Variants in TESPA1 observed in about 807,000 individuals in gnomAD.
The protein encoded by TESPA1 is thymocyte expressed, positive selection associated 1, also known as protein TESPA1.
Under a neutral mutation model 57.9 loss-of-function variants are expected in TESPA1, and 33 were observed. The observed-to-expected ratio is 0.57, with a 90% confidence interval of 0.43 to 0.76. The LOEUF (loss-of-function observed/expected upper bound fraction) is 0.76, where lower values mean the gene tolerates loss of function less well. Among genes scored for constraint, TESPA1 ranks in the 30% least tolerant of loss-of-function variants. The probability of loss-of-function intolerance (pLI) is 0.00; values close to 1 mark genes in which losing one functional copy is unlikely to be tolerated. For missense variants in TESPA1, 618 were observed against 632.9 expected (o/e 0.98, Z 0.25); for synonymous variants, 227 against 228.9 (o/e 0.99, Z 0.07).
At position 54,963,958 on chromosome 12, in the gene TESPA1, G is replaced by A. The variant is rs1951250118; in HGVS notation, c.447-8C>T. The A allele has an allele frequency of 6.2e-7, 1 of 1,611,252 alleles. No individual in the cohort carries two copies. Among genetic ancestry groups the A allele is most frequent in the African/African-American group, 1.3e-5 (1 of 74,870 alleles). On this transcript the variant is annotated splice_region_variant and splice_polypyrimidine_tract_variant and intron_variant, in intron 7 of 10. Coordinates refer to ENST00000449076, the MANE Select transcript of TESPA1 (RefSeq NM_001136030.3). The stretch of plus-strand genomic sequence containing the variant: ...TCCAGAATTTCTGAGATGCTGAAAT[G>A]AGGGAGTTTGGGTAAATAAGGGACA...
At chr12:54,952,242 C>T (rs1950447562) in intron 10 of TESPA1, among the ~76,000 whole-genome samples, 1 of 152,190 alleles carries the variant, frequency 6.6e-6, no homozygotes, top group Admixed American at 6.5e-5. Flanking sequence ...TGTGGTCCCT[C>T]AACCTTGGAC....
At chr12:54,978,956 C>T (rs1463508261) in intron 1 of TESPA1, among the ~76,000 whole-genome samples, 1 of 152,240 alleles carries the variant, frequency 6.6e-6, no homozygotes, top group Non-Finnish European at 1.5e-5. Flanking sequence ...AAAGAAGGGA[C>T]TCCATAAGTG....
chr12:54,955,868 T>A (rs72648134), intron 10 of TESPA1, among the ~76,000 whole-genome samples: 1 of 152,022 alleles, frequency 6.6e-6, no homozygotes, highest in African/African-American at 2.4e-5. Context: ...TCACAATTTC[T>A]TGATGTCCTC....
Position 54,948,130 on chromosome 12 carries a change from G to A in TESPA1, c.*2262C>T, listed in dbSNP as rs1950182306. The A allele has an allele frequency of 1.3e-5, 2 of 152,446 alleles. No homozygotes were observed. Among genetic ancestry groups the A allele is most frequent in the Non-Finnish European group, 1.5e-5 (1 of 68,138 alleles). 9.4% of individuals were successfully genotyped at this position (152,446 alleles called of 1,614,324 possible). On this transcript the variant is annotated 3_prime_UTR_variant, in exon 11 of 11. Coordinates refer to ENST00000449076, the MANE Select transcript of TESPA1 (RefSeq NM_001136030.3). ...GTTTTATAGGATTTAGGTAGGTAGT[G>A]GAAAATTACAGTCAAAGGGGATTAT...
chr12:54,966,014 C>T (rs1376983124), intron 7 of TESPA1, 39 bp downstream of exon 7: 2 of 1,545,668 alleles, frequency 1.3e-6, no homozygotes, highest in African/African-American at 2.7e-5. Flanking sequence ...TGCTTCTCAT[C>T]TTCTCCACCC....
intron 2 of TESPA1, 171 bp from the exon 3 acceptor site, chr12:54,973,690 GTAGATATT>G (rs1951987941): frequency 5.8e-6 from 8 of 1,387,794 alleles, no homozygotes. Flanking sequence ...TATAAAAATA[GTAGATATT>G]TCTTCTCTCT....
Position 54,966,405 on chromosome 12 carries a change from A to G in TESPA1, c.330T>C (p.Asn110=). The change falls in exon 6 of 11, where the codon AAT becomes AAC. Residue 110 remains asparagine (N), a synonymous_variant. Transcript: ENST00000449076. Reference sequence around the variant, plus strand: ...ACACTTACCTGGAGAAGAGTTTGCCATTGGCGGCCAGTAGTGTGGCTGGAC... The same window carrying G: ...ACACTTACCTGGAGAAGAGTTTGCCGTTGGCGGCCAGTAGTGTGGCTGGAC... ...LGAEATLLAA[N]GKLFSRSFLE... The G allele has an allele frequency of 6.2e-7, 1 of 1,613,802 alleles. No homozygotes were observed. Among genetic ancestry groups the G allele is most frequent in the South Asian group, 1.1e-5 (1 of 91,044 alleles).
At chr12:54,961,319 A>T (rs899341292) in intron 9 of TESPA1, 52 bp from the exon 10 acceptor site, 8 of 1,605,918 alleles carry the variant, frequency 5.0e-6, no homozygotes, top group Non-Finnish European at 6.0e-6. Context: ...GAAAGGGGGT[A>T]AGGAAAGGTG....
In TESPA1 at chr12:54,979,207, T is replaced by TAA. The variant is rs11420030; in HGVS notation, c.-45-4602_-45-4601dup. 2.0e-5 allele frequency among the ~76,000 whole-genome samples: 3 copies of TAA among 151,998 alleles called. No individual in the cohort carries two copies. The East Asian group carries it at 5.8e-4, about 29-fold the overall frequency. On this transcript the variant is annotated intron_variant, in intron 1 of 10. Transcript: ENST00000449076. The stretch of plus-strand genomic sequence containing the variant: ...GCTTGAACTACCAAATTCTCCTATT[T>TAA]AAAAAAAATATTTTCCAGAGTCTTT...
intron 10 of TESPA1, among the ~76,000 whole-genome samples, chr12:54,955,814 G>T (rs991395999): frequency 1.1e-4 from 16 of 152,098 alleles, no homozygotes; most frequent in Non-Finnish European, 1.2e-4. Context: ...CCCAACAGAG[G>T]CAAAACAACC....
At chr12:54,975,807 T>C (rs903633081) in intron 1 of TESPA1, among the ~76,000 whole-genome samples, 21 of 152,230 alleles carry the variant, frequency 1.4e-4, no homozygotes, top group Non-Finnish European at 3.1e-4. Context: ...AAAATAGCTT[T>C]TTTGAAAAGA....
chr12:54,958,554 A>G (rs1270847407), intron 10 of TESPA1, among the ~76,000 whole-genome samples: 1 of 151,718 alleles, frequency 6.6e-6, no homozygotes, highest in African/African-American at 2.4e-5. Flanking sequence ...GTGGTTTGGT[A>G]TCTGACATTC....
chr12:54,954,084 A>G (rs1950583700), intron 10 of TESPA1, among the ~76,000 whole-genome samples: 1 of 152,228 alleles, frequency 6.6e-6, no homozygotes, highest in South Asian at 2.1e-4. Context: ...GGTACTTAGC[A>G]TAAAGGGTCA....
chr12:54,970,946 A>T (rs781636284), intron 3 of TESPA1, among the ~76,000 whole-genome samples: 1 of 152,246 alleles, frequency 6.6e-6, no homozygotes, highest in Non-Finnish European at 1.5e-5. Flanking sequence ...GTGATTCATG[A>T]GCAACACAGT....
At chr12:54,966,007 T>G in intron 7 of TESPA1, 46 bp downstream of exon 7, 2 of 1,536,812 alleles carry the variant, frequency 1.3e-6, no homozygotes, top group Non-Finnish European at 1.8e-6. Flanking sequence ...TCTCCTATGC[T>G]TCTCATCTTC....
At chr12:54,965,462 T>C (rs748159231) in intron 7 of TESPA1, among the ~76,000 whole-genome samples, 2 of 152,208 alleles carry the variant, frequency 1.3e-5, no homozygotes, top group Non-Finnish European at 2.9e-5. Flanking sequence ...TTTCTGTTCC[T>C]GTGTTAGTTT....
At chr12:54,961,014 C>T (rs1407841542) in intron 10 of TESPA1, among the ~76,000 whole-genome samples, 154 bp downstream of exon 10, 1 of 151,970 alleles carries the variant, frequency 6.6e-6, no homozygotes, top group Non-Finnish European at 1.5e-5. Context: ...AATAGAATTA[C>T]CTGGAAGCTT....
rs372513501 is a variant in TESPA1 at position 54,970,672 on chromosome 12, G to A, written c.207-2780C>T. Among the ~76,000 whole-genome samples, 11 of 152,252 alleles carry A rather than the reference G, an allele frequency of 7.2e-5. No homozygotes were observed. In the East Asian group the frequency reaches 9.6e-4, roughly 13 times the overall value. On this transcript the variant is annotated intron_variant, in intron 3 of 10. Transcript: ENST00000449076. The stretch of plus-strand genomic sequence containing the variant: ...ATAGGCCATAAAATCAATGACCAGG[G>A]ACTAGATGTATAGTTGCTCCCCTTT...
intron 3 of TESPA1, among the ~76,000 whole-genome samples, chr12:54,971,498 A>T (rs561118157): frequency 2.8e-4 from 43 of 152,312 alleles, no homozygotes; most frequent in African/African-American, 9.9e-4. Context: ...AAACAGAGGA[A>T]ATTGGAAAAT....
Sources: allele counts gnomAD v4.1 joint callset (sites outside exome capture counted in the v4.1 genomes callset), GRCh38; gene constraint gnomAD v4.1.1; transcripts MANE v1.5; gene names NCBI Gene and HGNC (gene_info 2026-07-23, HGNC 2026-07-21).